Variants in USH2A observed in about 807,000 individuals in gnomAD.
USH2A encodes usherin, also known as Usher syndrome 2A (autosomal recessive, mild).
USH2A carries 443 observed loss-of-function variants against 538.9 expected under a neutral mutation model. The ratio of observed to expected loss-of-function variants is 0.82; its 90% confidence interval spans 0.76 to 0.89. USH2A has a LOEUF of 0.89. Ranked by LOEUF, USH2A falls within the 40% of genes least tolerant of loss-of-function variation. The pLI, the probability that USH2A is intolerant of heterozygous loss-of-function variation, is 0.00. For missense variants in USH2A, 6,633 were observed against 6,324.8 expected, an observed-to-expected ratio of 1.05 and a Z score of -1.65; for synonymous variants, 2,413 against 2,273.5, an observed-to-expected ratio of 1.06 and a Z score of -1.75.
At chr1:215,798,491 T>C (rs997132101) in intron 50 of USH2A, among the ~76,000 whole-genome samples, 1 of 152,190 alleles carries the variant, frequency 6.6e-6, no homozygotes, top group East Asian at 1.9e-4. Flanking sequence ...TGGCACAGTG[T>C]CTGTTAGTAT....
chr1:216,262,286 A>C (rs2036389303), intron 11 of USH2A, among the ~76,000 whole-genome samples: 1 of 152,174 alleles, frequency 6.6e-6, no homozygotes, highest in Admixed American at 6.5e-5. Flanking sequence ...AAACTCAGCA[A>C]GATAGAAGAA....
Position 215,877,848 on chromosome 1 carries a change from G to A in USH2A, c.8591C>T (p.Pro2864Leu). Residue 2864 changes from proline to leucine, a missense_variant, in exon 43 of 72, where the codon CCA becomes CTA. Physicochemically the swap from Pro to Leu is moderately conservative, Grantham distance 98 (BLOSUM62 -3). Coordinates refer to ENST00000307340, the MANE Select transcript of USH2A (RefSeq NM_206933.4). The stretch of plus-strand genomic sequence containing the variant: ...ATCTTCTGGGGGATTTGATGCAAGT[G>A]GCTGCTGGATTTTACGTCTCAGAAG... ...YELLRRKIQQ[P>L]LASNPPEDLN... The A allele has an allele frequency of 6.2e-7, 1 of 1,613,784 alleles. No individual in the cohort carries two copies. Among genetic ancestry groups the A allele is most frequent in the Non-Finnish European group, 8.5e-7 (1 of 1,179,764 alleles).
At chr1:216,421,157 A>C (rs2039669553) in intron 2 of USH2A, among the ~76,000 whole-genome samples, 1 of 152,170 alleles carries the variant, frequency 6.6e-6, no homozygotes, top group African/African-American at 2.4e-5. Context: ...TAAATAACAA[A>C]AAATGGCAGT....
chr1:216,144,711 T>C (rs1343775546), intron 21 of USH2A, among the ~76,000 whole-genome samples: 1 of 152,208 alleles, frequency 6.6e-6, no homozygotes, highest in Non-Finnish European at 1.5e-5. Flanking sequence ...TATTACCTAA[T>C]TCACCAATCT....
chr1:216,121,564 A>T (rs2033139740), intron 21 of USH2A, among the ~76,000 whole-genome samples: 2 of 152,194 alleles, frequency 1.3e-5, no homozygotes, highest in African/African-American at 4.8e-5. Context: ...TTAATGCTGC[A>T]TTAATCATGT....
At chr1:216,115,720 A>C (rs2032992246) in intron 21 of USH2A, among the ~76,000 whole-genome samples, 1 of 152,074 alleles carries the variant, frequency 6.6e-6, no homozygotes, top group South Asian at 2.1e-4. Context: ...TAGATGAAAT[A>C]CATTTCATCT....
chr1:215,913,735 C>T (rs536068293), intron 38 of USH2A, among the ~76,000 whole-genome samples: 4 of 151,482 alleles, frequency 2.6e-5, no homozygotes, highest in East Asian at 2.0e-4. Flanking sequence ...TACTTTGATT[C>T]GAGTTTTTTT....
In USH2A at chr1:215,888,566, T is replaced by C. The variant is rs775921966; in HGVS notation, c.8083A>G (p.Lys2695Glu). Residue 2695 changes from lysine to glutamate, a missense_variant, in exon 41 of 72, where the codon AAA becomes GAA. Lys to Glu is a moderately conservative substitution (Grantham distance 56). Coordinates refer to ENST00000307340, the MANE Select transcript of USH2A (RefSeq NM_206933.4). ...CTCATCAGTACCCGATATTCATATT[T>C]TGTCCATGGGCTAAGAGCAGAAGTC... ...DKTSALSPWT[K>E]YEYRVLMSTL... 6.2e-7 allele frequency: 1 copy of C among 1,614,180 alleles called. No individual in the cohort carries two copies. Among genetic ancestry groups the C allele is most frequent in the Admixed American group, 1.7e-5 (1 of 60,030 alleles).
At chr1:216,270,634 T>C (rs1030311175) in intron 11 of USH2A, among the ~76,000 whole-genome samples, 3 of 152,158 alleles carry the variant, frequency 2.0e-5, no homozygotes, top group African/African-American at 4.8e-5. Context: ...TATTGTATAC[T>C]GAATGATATC....
intron 21 of USH2A, among the ~76,000 whole-genome samples, chr1:216,159,091 T>G (rs1558290335): frequency 6.6e-6 from 1 of 152,206 alleles, no homozygotes; most frequent in Non-Finnish European, 1.5e-5. Flanking sequence ...GTAAACTGAA[T>G]AGTTTATATA....
intron 61 of USH2A, among the ~76,000 whole-genome samples, chr1:215,700,326 T>C (rs1270729565): frequency 2.6e-5 from 4 of 152,226 alleles, no homozygotes; most frequent in African/African-American, 7.2e-5. Context: ...CCTTATAAAA[T>C]GAGTTAGGGA....
chr1:216,349,978 G>A (rs1203779233), intron 4 of USH2A, among the ~76,000 whole-genome samples: 2 of 152,148 alleles, frequency 1.3e-5, no homozygotes, highest in Non-Finnish European at 2.9e-5. Flanking sequence ...AGTTCTGCAT[G>A]CTTTACAGGA....
chr1:215,779,767 C>A (rs529873313), intron 55 of USH2A, 76 bp downstream of exon 55: 2 of 1,556,936 alleles, frequency 1.3e-6, no homozygotes, highest in East Asian at 2.3e-5. Context: ...CAAACACACA[C>A]CCCTGGGATG....
At chr1:216,253,558 A>G (rs1169535059) in intron 11 of USH2A, among the ~76,000 whole-genome samples, 1 of 152,078 alleles carries the variant, frequency 6.6e-6, no homozygotes, top group Non-Finnish European at 1.5e-5. Flanking sequence ...CCCTAATTCC[A>G]TCCCTGAATG....
At chr1:215,761,106 T>C (rs1003566681) in intron 56 of USH2A, among the ~76,000 whole-genome samples, 30 of 152,224 alleles carry the variant, frequency 2.0e-4, no homozygotes, top group Non-Finnish European at 8.8e-5. Flanking sequence ...CCTAGAATGC[T>C]TCTAGTTATT....
At chr1:216,019,876 T>C (rs1186850170) in intron 32 of USH2A, among the ~76,000 whole-genome samples, 1 of 152,200 alleles carries the variant, frequency 6.6e-6, no homozygotes, top group Non-Finnish European at 1.5e-5. Flanking sequence ...CCTATTAGAA[T>C]TATGCTGTAT....
At chr1:215,658,901 A>C (rs1040809159) in intron 64 of USH2A, among the ~76,000 whole-genome samples, 20 of 152,228 alleles carry the variant, frequency 1.3e-4, no homozygotes, top group African/African-American at 4.6e-4. Context: ...TTGCTAGAAG[A>C]AGCTAAGATC....
Position 215,970,623 on chromosome 1 carries a change from A to G in USH2A, c.6957+2T>C. The G allele has an allele frequency of 6.2e-7, 1 of 1,613,576 alleles. No homozygotes were observed. Among genetic ancestry groups the G allele is most frequent in the Non-Finnish European group, 8.5e-7 (1 of 1,179,672 alleles). Reference sequence around the variant, plus strand: ...TCCTAGAATGTAAATTTAGATACTCACCAGTGGGCCCAGAGCACAACCTTT... The same window carrying G: ...TCCTAGAATGTAAATTTAGATACTCGCCAGTGGGCCCAGAGCACAACCTTT... On this transcript the variant is annotated splice_donor_variant, in intron 36 of 71. Coordinates refer to ENST00000307340, the MANE Select transcript of USH2A (RefSeq NM_206933.4). LOFTEE classifies it high-confidence loss of function.
intron 20 of USH2A, among the ~76,000 whole-genome samples, chr1:216,183,460 T>C (rs2034531439): frequency 6.6e-6 from 1 of 152,086 alleles, no homozygotes; most frequent in Non-Finnish European, 1.5e-5. Context: ...ATGGATTCTT[T>C]TTTTTAATCA....
Sources: gnomAD v4.1 joint callset for allele counts (sites outside exome capture counted in the v4.1 genomes callset) on GRCh38, gnomAD v4.1.1 for gene constraint, MANE v1.5 for transcripts, NCBI Gene and HGNC (gene_info 2026-07-23, HGNC 2026-07-21) for gene names.